WWTR1: variants seen among roughly 807,000 people sequenced by gnomAD.
The protein encoded by WWTR1 is WW domain containing transcription regulator 1, also known as WW domain-containing transcription regulator protein 1.
Under a neutral mutation model 40.1 loss-of-function variants are expected in WWTR1, and 13 were observed. The observed-to-expected ratio is 0.32, with a 90% CI of 0.21 to 0.52. The LOEUF (loss-of-function observed/expected upper bound fraction) is 0.52. WWTR1 is among the 20% of genes least tolerant of loss of function. The pLI, the probability that WWTR1 is intolerant of heterozygous loss-of-function variation, is 0.97. For missense variants in WWTR1, 436 were observed against 523.1 expected (o/e 0.83, Z 1.63); for synonymous variants, 230 against 210.1 (o/e 1.09, Z -0.82).
At chr3:149,690,636 A>AAGATAG (rs1446404251) in intron 1 of WWTR1, among the ~76,000 whole-genome samples, 1 of 152,220 alleles carries the variant, frequency 6.6e-6, no homozygotes, top group East Asian at 1.9e-4. Context: ...ATTAGAGCTA[A>AAGATAG]AGATAGAGAT....
chr3:149,609,336 C>T (rs2108064596), intron 2 of WWTR1, among the ~76,000 whole-genome samples: 1 of 152,274 alleles, frequency 6.6e-6, no homozygotes, highest in African/African-American at 2.4e-5. Context: ...TTATCCACTA[C>T]ACCTCCCCAC....
chr3:149,657,636 C>T, intron 1 of WWTR1, 129 bp downstream of exon 1: 1 of 254,562 alleles, frequency 3.9e-6, no homozygotes, highest in South Asian at 7.1e-5. Flanking sequence ...TCGCACGATT[C>T]CAGGACAGGC....
intron 6 of WWTR1, among the ~76,000 whole-genome samples, chr3:149,522,301 AG>A (rs944441552): frequency 7.9e-5 from 12 of 152,210 alleles, no homozygotes; most frequent in African/African-American, 2.9e-4. Flanking sequence ...TGTGTTTTCC[AG>A]GGAGAAAAAT....
intron 6 of WWTR1, among the ~76,000 whole-genome samples, chr3:149,522,330 T>A (rs985326035): frequency 1.3e-5 from 2 of 152,288 alleles, no homozygotes; most frequent in South Asian, 4.1e-4. Context: ...TTCCAAATGA[T>A]GAAGGAACCA....
Position 149,616,528 on chromosome 3 carries a change from T to C in WWTR1, c.431+40348A>G, listed in dbSNP as rs183306961. On this transcript the variant is annotated intron_variant, in intron 2 of 6. Coordinates refer to ENST00000360632, the MANE Select transcript of WWTR1 (RefSeq NM_015472.6). The stretch of plus-strand genomic sequence containing the variant: ...CATGATCTCGGCTCACCGCAACCTC[T>C]GCCTCCCAGGTTCAAGCAATTCTCC... Among the ~76,000 whole-genome samples, 13 of 152,046 alleles carry C rather than the reference T, an allele frequency of 8.6e-5. No individual in the cohort carries two copies. In the East Asian group the frequency reaches 2.5e-3, roughly 29 times the overall value.
intron 2 of WWTR1, among the ~76,000 whole-genome samples, chr3:149,654,878 C>T (rs990499425): frequency 1.3e-5 from 2 of 151,452 alleles, no homozygotes; most frequent in African/African-American, 4.9e-5. Flanking sequence ...AATTCCAGCA[C>T]TTTGGGAGGC....
At chr3:149,564,131 C>A (rs554078412) in intron 3 of WWTR1, among the ~76,000 whole-genome samples, 4 of 152,328 alleles carry the variant, frequency 2.6e-5, no homozygotes, top group African/African-American at 9.6e-5. Flanking sequence ...AACAGCATAC[C>A]TTTCCAGATT....
chr3:149,722,466 T>A (rs902187749), intron 4 of WWTR1, among the ~76,000 whole-genome samples: 2 of 152,202 alleles, frequency 1.3e-5, no homozygotes, highest in African/African-American at 4.8e-5. Flanking sequence ...GTGTGTTCAT[T>A]TTCATTTGTC....
At chr3:149,536,593 G>A (rs992877835) in intron 4 of WWTR1, among the ~76,000 whole-genome samples, 10 of 151,956 alleles carry the variant, frequency 6.6e-5, no homozygotes, top group Non-Finnish European at 1.0e-4. Context: ...CTGGCCCGCC[G>A]CGCCTGGTGG....
chr3:149,579,266 C>A (rs1738032927), intron 2 of WWTR1, among the ~76,000 whole-genome samples: 1 of 152,114 alleles, frequency 6.6e-6, no homozygotes, highest in Non-Finnish European at 1.5e-5. Flanking sequence ...TAGGACGGGA[C>A]CTGGAAGCAG....
intron 2 of WWTR1, among the ~76,000 whole-genome samples, chr3:149,633,804 G>T (rs1711669807): frequency 6.6e-6 from 1 of 152,180 alleles, no homozygotes; most frequent in Non-Finnish European, 1.5e-5. Context: ...ACTGCCAGGA[G>T]CTGTGGGTGG....
intron 4 of WWTR1, among the ~76,000 whole-genome samples, chr3:149,534,458 A>G (rs1379313568): frequency 6.6e-6 from 1 of 152,188 alleles, no homozygotes; most frequent in East Asian, 1.9e-4. Context: ...TCTACCTCAG[A>G]CAGTTCAGAG....
chr3:149,568,013 C>A (rs536359742), intron 3 of WWTR1, among the ~76,000 whole-genome samples: 1 of 152,208 alleles, frequency 6.6e-6, no homozygotes, highest in African/African-American at 2.4e-5. Flanking sequence ...TTTTTTCCCT[C>A]TTTTGTTTCC....
At chr3:149,541,047 T>G (rs1736076114) in intron 4 of WWTR1, 1 of 456,394 alleles carries the variant, frequency 2.2e-6, no homozygotes, top group Non-Finnish European at 4.4e-6. Flanking sequence ...TCCAAGAAAG[T>G]TCTCTGGAAT....
At chr3:149,613,004 G>A (rs958988739) in intron 2 of WWTR1, among the ~76,000 whole-genome samples, 2 of 152,182 alleles carry the variant, frequency 1.3e-5, no homozygotes, top group African/African-American at 4.8e-5. Context: ...TCCAATGCCA[G>A]TCTGAAAACC....
chr3:149,590,993 A>C (rs1576583153), intron 2 of WWTR1, among the ~76,000 whole-genome samples: 2 of 142,150 alleles, frequency 1.4e-5, no homozygotes, highest in Non-Finnish European at 3.1e-5. Flanking sequence ...TGCCTGCAAA[A>C]CTTAGCTTTT....
At chr3:149,564,276 GCTAGTGGTAGAT>G (rs1252430585) in intron 3 of WWTR1, among the ~76,000 whole-genome samples, 1 of 152,186 alleles carries the variant, frequency 6.6e-6, no homozygotes, top group Non-Finnish European at 1.5e-5. Flanking sequence ...AAGTGATCCA[GCTAGTGGTAGAT>G]CTGGACCACG....
intron 2 of WWTR1, among the ~76,000 whole-genome samples, chr3:149,607,900 C>A (rs1324185435): frequency 6.6e-6 from 1 of 152,178 alleles, no homozygotes; most frequent in African/African-American, 2.4e-5. Flanking sequence ...AATAAGTACA[C>A]CTCCTCTGAA....
chr3:149,568,660 C>A (rs183540053), intron 3 of WWTR1, among the ~76,000 whole-genome samples: 1 of 149,522 alleles, frequency 6.7e-6, no homozygotes, highest in African/African-American at 2.4e-5. Flanking sequence ...TCTGTTTTTA[C>A]AAAGTCACTC....
Sources: gnomAD v4.1 joint callset for allele counts (sites outside exome capture counted in the v4.1 genomes callset) on GRCh38, gnomAD v4.1.1 for gene constraint, MANE v1.5 for transcripts, NCBI Gene and HGNC (gene_info 2026-07-23, HGNC 2026-07-21) for gene names.